The following PIERCE2 variants were observed in gnomAD, a reference collection of about 807,000 sequenced individuals.
PIERCE2 encodes piercer of microtubule wall 2.
the PIERCE2 span, among the ~76,000 whole-genome samples, chr15:55,413,480 C>T: frequency 6.6e-6 from 1 of 151,316 alleles, no homozygotes; most frequent in African/African-American, 2.4e-5. Context: ...TTTTAAGGGC[C>T]GGCCGTGGTG....
chr15:55,412,527 T>A, the PIERCE2 span, among the ~76,000 whole-genome samples: 1 of 152,214 alleles, frequency 6.6e-6, no homozygotes, highest in Non-Finnish European at 1.5e-5. Context: ...TTGCTTTATA[T>A]TTGATTCATA....
At chr15:55,408,817 G>C in the PIERCE2 span, 1 of 1,494,416 alleles carries the variant, frequency 6.7e-7, no homozygotes, top group Non-Finnish European at 8.9e-7. Flanking sequence ...AGATGTTTGG[G>C]AATGTTGGTA....
At chr15:55,414,341 C>T in the PIERCE2 span, among the ~76,000 whole-genome samples, 1 of 151,548 alleles carries the variant, frequency 6.6e-6, no homozygotes, top group Non-Finnish European at 1.5e-5. Context: ...TCCCGAGTAG[C>T]TGGGATTACA....
the PIERCE2 span, among the ~76,000 whole-genome samples, chr15:55,411,608 A>T: frequency 1.3e-5 from 2 of 152,116 alleles, no homozygotes; most frequent in African/African-American, 2.4e-5. Flanking sequence ...CATCATGGTG[A>T]AACCCCATCT....
At chr15:55,417,081 CA>C in the PIERCE2 span, among the ~76,000 whole-genome samples, 2 of 152,192 alleles carry the variant, frequency 1.3e-5, no homozygotes, top group Non-Finnish European at 2.9e-5. Flanking sequence ...CACATTCACA[CA>C]GGCCCTAACA....
chr15:55,411,329 T>C, the PIERCE2 span, among the ~76,000 whole-genome samples: 117 of 150,884 alleles, frequency 7.8e-4, 1 homozygote, highest in Middle Eastern at 3.5e-3. Context: ...CCAGGTGTGT[T>C]GGCAGGCACC....
chr15:55,408,627 G>A, the PIERCE2 span: 1 of 601,402 alleles, frequency 1.7e-6, no homozygotes, highest in Non-Finnish European at 3.0e-6. Context: ...TACACATACT[G>A]ATCCACCCAG....
At chr15:55,411,121 G>A in the PIERCE2 span, 2 of 152,148 alleles carry the variant, frequency 1.3e-5, no homozygotes, top group African/African-American at 4.8e-5. Flanking sequence ...GTAGGTTTCA[G>A]AACTGTTTCT....
At chr15:55,415,153 C>T in the PIERCE2 span, among the ~76,000 whole-genome samples, 1 of 151,924 alleles carries the variant, frequency 6.6e-6, no homozygotes, top group Non-Finnish European at 1.5e-5. Context: ...CAGACAAAAC[C>T]CCTCAGACAC....
chr15:55,408,914 C>A, the PIERCE2 span: 1 of 612,858 alleles, frequency 1.6e-6, no homozygotes, highest in South Asian at 2.1e-5. Context: ...AACTACTGAG[C>A]TTTTACATTT....
chr15:55,410,002 T>C, the PIERCE2 span, among the ~76,000 whole-genome samples: 1 of 150,502 alleles, frequency 6.6e-6, no homozygotes, highest in Non-Finnish European at 1.5e-5. Flanking sequence ...ATTTGTTTCG[T>C]TCTTAACTAT....
chr15:55,413,879 TATAAG>T, the PIERCE2 span, among the ~76,000 whole-genome samples: 2 of 151,504 alleles, frequency 1.3e-5, no homozygotes, highest in African/African-American at 2.4e-5. Context: ...TATGAGTAGA[TATAAG>T]ATATTACATA....
the PIERCE2 span, among the ~76,000 whole-genome samples, chr15:55,415,000 G>A: frequency 4.3e-4 from 66 of 152,282 alleles, no homozygotes; most frequent in South Asian, 0.013. Flanking sequence ...AGAATACCCA[G>A]TTTGTAATTA....
chr15:55,410,543 G>C, the PIERCE2 span: 7,529 of 152,352 alleles, frequency 0.049, 265 homozygotes, highest in East Asian at 0.15. Flanking sequence ...CAGCTACTCG[G>C]GTGGCTGAGG....
At chr15:55,413,911 T>C in the PIERCE2 span, among the ~76,000 whole-genome samples, 1 of 151,876 alleles carries the variant, frequency 6.6e-6, no homozygotes, top group African/African-American at 2.4e-5. Context: ...TGCTTTTTTT[T>C]TTTTGAGACG....
the PIERCE2 span, among the ~76,000 whole-genome samples, chr15:55,413,325 G>C: frequency 6.6e-6 from 1 of 151,712 alleles, no homozygotes; most frequent in African/African-American, 2.4e-5. Context: ...TGTAGTCCTA[G>C]CTACTTGGGA....
the PIERCE2 span, among the ~76,000 whole-genome samples, chr15:55,413,124 C>T: frequency 1.3e-5 from 2 of 152,098 alleles, no homozygotes; most frequent in East Asian, 3.9e-4. Context: ...AAAAATTAGC[C>T]GGGCACGGTG....
At chr15:55,408,495 G>T in the PIERCE2 span, 1 of 323,062 alleles carries the variant, frequency 3.1e-6, no homozygotes, top group Non-Finnish European at 5.6e-6. Context: ...GGCGGCCGCA[G>T]ATCCCCACAA....
the PIERCE2 span, among the ~76,000 whole-genome samples, chr15:55,415,359 G>C: frequency 3.3e-5 from 5 of 151,806 alleles, no homozygotes; most frequent in Admixed American, 3.3e-4. Context: ...GGGAGGCTGA[G>C]GCAGGACAAT....
Sources: allele counts gnomAD v4.1 joint callset (sites outside exome capture counted in the v4.1 genomes callset), GRCh38; gene constraint gnomAD v4.1.1; transcripts MANE v1.5; gene names NCBI Gene and HGNC (gene_info 2026-07-23, HGNC 2026-07-21).